Variants in TBXAS1 observed in about 807,000 individuals in gnomAD.
TBXAS1 encodes the protein thromboxane A synthase 1, also known as thromboxane-A synthase.
A neutral mutation model predicts 60.7 loss-of-function variants in TBXAS1; 48 were observed. The ratio of observed to expected loss-of-function variants is 0.79; its 90% CI spans 0.63 to 1.01. The LOEUF (loss-of-function observed/expected upper bound fraction) is 1.01, where lower values mean the gene tolerates loss of function less well. Among genes scored for constraint, TBXAS1 ranks in the 50% least tolerant of loss-of-function variants. The pLI is 0.00. For synonymous variants in TBXAS1, 287 were observed against 269.7 expected, an observed-to-expected ratio of 1.06 and a Z score of -0.63; for missense variants, 685 against 686.3, an observed-to-expected ratio of 1.00 and a Z score of 0.02.
chr7:139,857,757 G>T (rs1234043591), intron 1 of TBXAS1, among the ~76,000 whole-genome samples: 1 of 150,262 alleles, frequency 6.7e-6, no homozygotes, highest in African/African-American at 2.5e-5. Context: ...AAGAGACAGG[G>T]TCTCTCTCTG....
intron 4 of TBXAS1, among the ~76,000 whole-genome samples, chr7:139,918,373 G>A (rs557499857): frequency 2.6e-5 from 4 of 152,300 alleles, no homozygotes; most frequent in African/African-American, 9.6e-5. Flanking sequence ...GTCCCATAGA[G>A]CCACTTGGAG....
At chr7:139,780,232 GTC>G (rs1173217031) in intron 1 of TBXAS1, among the ~76,000 whole-genome samples, 5 of 152,232 alleles carry the variant, frequency 3.3e-5, no homozygotes, top group African/African-American at 1.2e-4. Context: ...CTACATGCAT[GTC>G]TCTCTGCCCC....
At chr7:140,015,672 C>G (rs748998704) in intron 10 of TBXAS1, 51 bp from the exon 11 acceptor site, 96 of 1,607,324 alleles carry the variant, frequency 6.0e-5, no homozygotes, top group Non-Finnish European at 8.0e-5. Flanking sequence ...GCCCCAAGCT[C>G]TGCTCCTCAT....
intron 4 of TBXAS1, among the ~76,000 whole-genome samples, chr7:139,805,686 CTT>C (rs1468097571): frequency 4.0e-3 from 136 of 33,864 alleles, no homozygotes; most frequent in Admixed American, 0.015. Flanking sequence ...TTCTTTCTTT[CTT>C]TCTTTCTTTC....
At chr7:139,823,955 G>T (rs1297980847) in intron 4 of TBXAS1, among the ~76,000 whole-genome samples, 1 of 152,192 alleles carries the variant, frequency 6.6e-6, no homozygotes, top group Non-Finnish European at 1.5e-5. Context: ...TGTGCCTGCT[G>T]ACACCTCTTT....
At chr7:139,880,132 C>T (rs999321723) in intron 3 of TBXAS1, among the ~76,000 whole-genome samples, 2 of 152,184 alleles carry the variant, frequency 1.3e-5, no homozygotes, top group Non-Finnish European at 2.9e-5. Context: ...ATCCAACTCC[C>T]TCGGCCTGCC....
intron 1 of TBXAS1, among the ~76,000 whole-genome samples, chr7:139,863,945 C>A (rs1801160009): frequency 6.6e-6 from 1 of 152,134 alleles, no homozygotes; most frequent in Non-Finnish European, 1.5e-5. Flanking sequence ...TAAAGGATAT[C>A]TATGAAAACT....
chr7:139,875,801 G>T, intron 3 of TBXAS1, 164 bp downstream of exon 3: 1 of 921,282 alleles, frequency 1.1e-6, no homozygotes, highest in South Asian at 1.5e-5. Context: ...CTGCAGTACA[G>T]ACAAGGCTTC....
chr7:139,988,437 A>C (rs1812659383), intron 9 of TBXAS1, among the ~76,000 whole-genome samples: 1 of 152,166 alleles, frequency 6.6e-6, no homozygotes, highest in African/African-American at 2.4e-5. Context: ...GGTTTGCATC[A>C]TCATCTAATG....
chr7:139,848,705 A>C (rs957292793), intron 1 of TBXAS1, among the ~76,000 whole-genome samples: 2 of 152,208 alleles, frequency 1.3e-5, no homozygotes, highest in Admixed American at 6.5e-5. Flanking sequence ...TCAACCTGGA[A>C]GCTGCTAAGA....
intron 4 of TBXAS1, among the ~76,000 whole-genome samples, chr7:139,918,471 ACC>A (rs1319745504): frequency 6.6e-6 from 1 of 152,068 alleles, no homozygotes; most frequent in Non-Finnish European, 1.5e-5. Flanking sequence ...TATCAGGAAC[ACC>A]CTTGTCCTTC....
intron 9 of TBXAS1, among the ~76,000 whole-genome samples, chr7:139,985,706 T>G (rs999320135): frequency 1.7e-4 from 26 of 152,256 alleles, no homozygotes; most frequent in Non-Finnish European, 3.2e-4. Flanking sequence ...TTGATGGGAT[T>G]CATCTGTCCC....
chr7:139,811,349 C>T (rs1375939190), intron 4 of TBXAS1, among the ~76,000 whole-genome samples: 1 of 152,196 alleles, frequency 6.6e-6, no homozygotes, highest in East Asian at 1.9e-4. Context: ...ATGAGCTGTT[C>T]TCACTGGATG....
chr7:139,865,665 A>G (rs866249193), intron 1 of TBXAS1, among the ~76,000 whole-genome samples: 1,113 of 15,608 alleles, frequency 0.071, no homozygotes, highest in East Asian at 0.095. Context: ...AGGAGGAGGA[A>G]GAGGAGGAGG....
intron 9 of TBXAS1, among the ~76,000 whole-genome samples, chr7:139,990,414 A>G (rs1226725106): frequency 6.6e-6 from 1 of 152,194 alleles, no homozygotes; most frequent in Non-Finnish European, 1.5e-5. Context: ...TCCTGGCGGA[A>G]GGGGCAGCCT....
intron 4 of TBXAS1, among the ~76,000 whole-genome samples, chr7:139,796,366 A>C (rs1263835442): frequency 6.6e-5 from 10 of 152,244 alleles, no homozygotes; most frequent in Non-Finnish European, 1.5e-4. Flanking sequence ...TGCATACTGC[A>C]CTGTGAAACA....
intron 4 of TBXAS1, among the ~76,000 whole-genome samples, chr7:139,917,076 C>T (rs1254693992): frequency 6.6e-6 from 1 of 152,216 alleles, no homozygotes; most frequent in African/African-American, 2.4e-5. Context: ...CCTAGGGAAG[C>T]TCTCATGGCT....
chr7:139,841,557 G>A (rs1258808879), intron 1 of TBXAS1, among the ~76,000 whole-genome samples: 26 of 151,360 alleles, frequency 1.7e-4, no homozygotes, highest in Admixed American at 1.7e-3. Flanking sequence ...TCAGTGATGA[G>A]CTTGGAGATA....
intron 3 of TBXAS1, chr7:139,906,073 T>C: frequency 2.5e-6 from 1 of 397,102 alleles, no homozygotes; most frequent in South Asian, 1.9e-5. Flanking sequence ...CTAGCATCTT[T>C]TTTTTTTTTT....
Sources: gnomAD v4.1 joint callset for allele counts (sites outside exome capture counted in the v4.1 genomes callset) on GRCh38, gnomAD v4.1.1 for gene constraint, MANE v1.5 for transcripts, NCBI Gene and HGNC (gene_info 2026-07-23, HGNC 2026-07-21) for gene names.